The following RMDN2 variants were observed in gnomAD, a reference collection of about 807,000 sequenced individuals.
RMDN2 encodes regulator of microtubule dynamics protein 2.
RMDN2 carries 61 observed loss-of-function variants against 52.8 expected under a neutral mutation model. The observed-to-expected ratio is 1.16, with a 90% CI of 0.94 to 1.43. RMDN2 has a LOEUF of 1.43. Ranked by LOEUF, RMDN2 falls within the 40% of genes most tolerant of loss-of-function variation. The pLI is 0.00. For missense variants in RMDN2, 592 were observed against 475.3 expected (o/e 1.25, Z -2.28); for synonymous variants, 180 against 153.1 (o/e 1.18, Z -1.30).
At chr2:37,940,521 A>T (rs1414439413) in intron 2 of RMDN2, among the ~76,000 whole-genome samples, 2 of 152,196 alleles carry the variant, frequency 1.3e-5, no homozygotes. Flanking sequence ...AGGTGCACCA[A>T]ACAAACACAG....
intron 10 of RMDN2, among the ~76,000 whole-genome samples, chr2:38,008,888 AG>A (rs1372781121): frequency 6.6e-6 from 1 of 152,074 alleles, no homozygotes; most frequent in Non-Finnish European, 1.5e-5. Flanking sequence ...GAGCTCTTTT[AG>A]GGCAGGTCTG....
intron 8 of RMDN2, among the ~76,000 whole-genome samples, chr2:37,998,787 C>G (rs1675921670): frequency 6.6e-6 from 1 of 152,044 alleles, no homozygotes; most frequent in Non-Finnish European, 1.5e-5. Flanking sequence ...AATGTGATCC[C>G]TTTTTTTGTT....
At chr2:38,031,802 C>A (rs1015389113) in intron 10 of RMDN2, among the ~76,000 whole-genome samples, 2 of 152,194 alleles carry the variant, frequency 1.3e-5, no homozygotes, top group African/African-American at 4.8e-5. Flanking sequence ...TGAGCAGACG[C>A]CTTCCTCGGG....
chr2:38,052,276 G>A (rs1379535006), intron 10 of RMDN2, among the ~76,000 whole-genome samples: 1 of 152,172 alleles, frequency 6.6e-6, no homozygotes, highest in Non-Finnish European at 1.5e-5. Context: ...GATGATTAGT[G>A]ATGTTGAGAA....
chr2:37,954,320 T>G (rs1480060989), intron 2 of RMDN2, among the ~76,000 whole-genome samples: 2 of 152,132 alleles, frequency 1.3e-5, no homozygotes, highest in Non-Finnish European at 2.9e-5. Context: ...TTTAAGAGTT[T>G]TATAGCTTTA....
In RMDN2 at chr2:37,974,205, CAAAG is replaced by C. The variant is rs1558495433; in HGVS notation, c.622_625del (p.Glu208SerfsTer6). 6.2e-7 allele frequency: 1 copy of C among 1,609,718 alleles called. No homozygotes were observed. Among genetic ancestry groups the C allele is most frequent in the East Asian group, 2.2e-5 (1 of 44,648 alleles). On this transcript the variant is annotated frameshift_variant, in exon 3 of 11. Transcript: ENST00000354545. LOFTEE classifies it high-confidence loss of function. ...AGAGTTTTGAACTACTTCGTGACCA[CAAAG>C]AAAAGGTAAGAGACATAACAATAGC...
chr2:38,016,630 C>T (rs1411190955), intron 10 of RMDN2, among the ~76,000 whole-genome samples: 1 of 152,128 alleles, frequency 6.6e-6, no homozygotes, highest in Non-Finnish European at 1.5e-5. Flanking sequence ...TTGGAACAGC[C>T]TTCAACCTCA....
intron 4 of RMDN2, among the ~76,000 whole-genome samples, chr2:37,978,055 C>G (rs906799281): frequency 1.3e-5 from 2 of 152,186 alleles, no homozygotes; most frequent in Non-Finnish European, 2.9e-5. Context: ...GAGTGAGACT[C>G]TGTCTGCAAT....
At chr2:38,001,985 C>A (rs1316885897) in intron 8 of RMDN2, among the ~76,000 whole-genome samples, 1 of 152,166 alleles carries the variant, frequency 6.6e-6, no homozygotes, top group African/African-American at 2.4e-5. Context: ...TGCTGTCTCT[C>A]CAGCAGGTTT....
intron 2 of RMDN2, among the ~76,000 whole-genome samples, chr2:37,963,568 C>T (rs1670577523): frequency 6.6e-6 from 1 of 152,210 alleles, no homozygotes; most frequent in African/African-American, 2.4e-5. Context: ...GCACATCTTG[C>T]ACTGCCCTTA....
chr2:38,038,259 G>A (rs577185276), intron 10 of RMDN2, among the ~76,000 whole-genome samples: 1 of 152,236 alleles, frequency 6.6e-6, no homozygotes, highest in South Asian at 2.1e-4. Flanking sequence ...AGCGCCCCCC[G>A]GGCGCAAGGG....
intron 10 of RMDN2, among the ~76,000 whole-genome samples, chr2:38,055,826 G>C (rs1230286375): frequency 6.6e-6 from 1 of 152,154 alleles, no homozygotes; most frequent in Non-Finnish European, 1.5e-5. Flanking sequence ...ATTACTGCAA[G>C]GGGAATAGGA....
chr2:37,944,310 C>A lies in RMDN2; in HGVS notation c.452+14581C>A, dbSNP rs116989653. Among the ~76,000 whole-genome samples the A allele has an allele frequency of 1.2e-3, 173 of 138,790 alleles. 2 individuals carry two copies. The East Asian group carries it at 0.029, about 23-fold the overall frequency. 91.1% of individuals were successfully genotyped at this position (138,790 alleles called of 152,430 possible). ...GTGATGTATTTCTCATTGAAAACAC[C>A]ATTTAAAAAAACAGCCAATCTCAAA... is the stretch of plus-strand genomic sequence containing the variant. On this transcript the variant is annotated intron_variant, in intron 2 of 10. Transcript: ENST00000354545.
At chr2:37,945,318 A>G (rs1668133354) in intron 2 of RMDN2, among the ~76,000 whole-genome samples, 1 of 152,232 alleles carries the variant, frequency 6.6e-6, no homozygotes, top group Non-Finnish European at 1.5e-5. Context: ...GCCACTATGA[A>G]CTATACTCTT....
intron 2 of RMDN2, chr2:37,951,363 C>G (rs2124962151): frequency 6.2e-7 from 1 of 1,613,266 alleles, no homozygotes; most frequent in Middle Eastern, 1.7e-4. Flanking sequence ...ATCTTATTCC[C>G]CTGTAACACA....
Position 37,981,346 on chromosome 2 carries a change from A to G in RMDN2, c.791+3A>G, listed in dbSNP as rs1479185012. Reference sequence around the variant, plus strand: ...ATGAATGGACATTGTCATCTGTGGTAAGTGTATAGGATTTATGCAGTCTTT... The same window carrying G: ...ATGAATGGACATTGTCATCTGTGGTGAGTGTATAGGATTTATGCAGTCTTT... On this transcript the variant is annotated splice_donor_region_variant and intron_variant, in intron 5 of 10. Coordinates refer to ENST00000354545, the MANE Select transcript of RMDN2 (RefSeq NM_001170791.3). The G allele has an allele frequency of 1.3e-6, 2 of 1,592,290 alleles. No homozygotes were observed. The highest frequency in any genetic ancestry group is 3.3e-5 in the Admixed American group (2 of 59,950).
At chr2:37,979,466 C>T (rs1412534595) in intron 4 of RMDN2, among the ~76,000 whole-genome samples, 5 of 152,154 alleles carry the variant, frequency 3.3e-5, no homozygotes, top group Non-Finnish European at 5.9e-5. Flanking sequence ...CAGAAGATTT[C>T]TTCTCATAAT....
chr2:38,060,865 C>A (rs1203613317), intron 10 of RMDN2, among the ~76,000 whole-genome samples: 3 of 152,152 alleles, frequency 2.0e-5, no homozygotes, highest in Non-Finnish European at 4.4e-5. Flanking sequence ...CCAAACAGAA[C>A]ACGAGGCTGC....
chr2:37,988,741 A>G (rs1674372946), intron 5 of RMDN2, among the ~76,000 whole-genome samples: 1 of 152,218 alleles, frequency 6.6e-6, no homozygotes, highest in Non-Finnish European at 1.5e-5. Flanking sequence ...TTAGACAAAA[A>G]CACTCTGAAA....
Sources: allele counts gnomAD v4.1 joint callset (sites outside exome capture counted in the v4.1 genomes callset), GRCh38; gene constraint gnomAD v4.1.1; transcripts MANE v1.5; gene names NCBI Gene and HGNC (gene_info 2026-07-23, HGNC 2026-07-21).